Variants in SUN3 observed in about 807,000 individuals in gnomAD.
SUN3 encodes Sad1 and UNC84 domain containing 3.
Under a neutral mutation model 48.2 loss-of-function variants are expected in SUN3, and 36 were observed. The ratio of observed to expected loss-of-function variants is 0.75; its 90% CI spans 0.57 to 0.99. The LOEUF (loss-of-function observed/expected upper bound fraction) is 0.99, where lower values mean the gene tolerates loss of function less well. Among genes scored for constraint, SUN3 ranks in the 50% least tolerant of loss-of-function variants. SUN3 has a pLI of 0.00. For missense variants in SUN3, 419 were observed against 433.1 expected (o/e 0.97, Z 0.29); for synonymous variants, 148 against 147.9 (o/e 1.00, Z 0.00).
At position 47,997,791 on chromosome 7, in the gene SUN3, T is replaced by C. The variant is rs77299163; in HGVS notation, c.578-1645A>G. 2.8e-4 allele frequency among the ~76,000 whole-genome samples: 43 copies of C among 152,360 alleles called. No individual in the cohort carries two copies. The East Asian group carries it at 8.3e-3, about 29-fold the overall frequency. Reference sequence around the variant, plus strand: ...TAATCTATTTTCTGTCCCTGTAGATTACCTATTCTGGACATTTCTTTTGCT... The same window carrying C: ...TAATCTATTTTCTGTCCCTGTAGATCACCTATTCTGGACATTTCTTTTGCT... On this transcript the variant is annotated intron_variant, in intron 6 of 9. Transcript: ENST00000297325.
intron 3 of SUN3, 58 bp from the exon 4 acceptor site, chr7:48,009,133 T>G (rs1192678677): frequency 1.3e-6 from 2 of 1,522,022 alleles, no homozygotes; most frequent in Non-Finnish European, 1.8e-6. Flanking sequence ...AATAGAGTCT[T>G]TTTTTTTTCT....
At chr7:47,987,988 C>A (rs1388635862) in intron 9 of SUN3, among the ~76,000 whole-genome samples, 1 of 152,138 alleles carries the variant, frequency 6.6e-6, no homozygotes, top group Non-Finnish European at 1.5e-5. Flanking sequence ...CTGTTTCCCC[C>A]CTCTACACTC....
chr7:48,025,496 C>T (rs1425642101), intron 2 of SUN3, among the ~76,000 whole-genome samples: 1 of 152,166 alleles, frequency 6.6e-6, no homozygotes, highest in Non-Finnish European at 1.5e-5. Flanking sequence ...TATTTGGGAA[C>T]TGTGTGATGA....
At chr7:48,028,720 C>A in intron 1 of SUN3, 97 bp downstream of exon 1, 2 of 1,481,774 alleles carry the variant, frequency 1.3e-6, no homozygotes, top group Non-Finnish European at 1.8e-6. Flanking sequence ...GGAGAAAATA[C>A]TGTCGGGTAA....
Position 47,994,420 on chromosome 7 carries a change from C to T in SUN3, c.756G>A (p.Lys252=). The T allele has an allele frequency of 4.3e-6, 7 of 1,613,012 alleles. No homozygotes were observed. Among genetic ancestry groups the T allele is most frequent in the Non-Finnish European group, 5.9e-6 (7 of 1,179,604 alleles). The change falls in exon 8 of 10, where the codon AAG becomes AAA. Residue 252 remains lysine (K), a synonymous_variant. Transcript: ENST00000297325. ...FPGSQGHTLI[K]LATKIIPTAV... ...CAGTTGGTATGATCTTTGTAGCAAG[C>T]TTGATTAGGGTATGACCCTGGGAAC...
chr7:48,009,692 C>A (rs180681335), intron 3 of SUN3, among the ~76,000 whole-genome samples: 1 of 151,922 alleles, frequency 6.6e-6, no homozygotes, highest in Non-Finnish European at 1.5e-5. Flanking sequence ...CAAACCAAGA[C>A]AAGAAACCAG....
upstream of SUN3, among the ~76,000 whole-genome samples, chr7:48,031,512 T>C (rs1046537777): frequency 5.3e-5 from 8 of 152,136 alleles, no homozygotes; most frequent in Non-Finnish European, 1.2e-4. Flanking sequence ...AAAGAAATTG[T>C]TAATCTTAAA....
chr7:48,005,891 A>G, intron 6 of SUN3, 78 bp downstream of exon 6: 1 of 854,952 alleles, frequency 1.2e-6, no homozygotes, highest in Non-Finnish European at 1.8e-6. Context: ...TTCCTCATAA[A>G]CAAATGTAGA....
the SUN3 span, among the ~76,000 whole-genome samples, chr7:48,034,446 A>G: frequency 1.3e-5 from 2 of 152,226 alleles, no homozygotes; most frequent in Non-Finnish European, 2.9e-5. Context: ...CTTGATTTAA[A>G]AAAAAATTTT....
At chr7:48,031,832 G>GCACACACACACACACACACACACA (rs3073706), upstream of SUN3, among the ~76,000 whole-genome samples, 1 of 142,270 alleles carries the variant, frequency 7.0e-6, no homozygotes, top group Non-Finnish European at 1.5e-5. Context: ...TGTGATTTAT[G>GCACACACACACACACACACACACA]CACACACACA....
chr7:47,990,519 G>A (rs535271355), intron 8 of SUN3, among the ~76,000 whole-genome samples: 1 of 151,298 alleles, frequency 6.6e-6, no homozygotes, highest in Non-Finnish European at 1.5e-5. Context: ...GCTGAGCGCT[G>A]GTCCCCTGGG....
Position 47,996,014 on chromosome 7 carries a change from T to C in SUN3, c.693+17A>G, listed in dbSNP as rs765248179. On this transcript the variant is annotated intron_variant, in intron 7 of 9. Transcript: ENST00000297325. ...AAATTCTAAAATAGAAATAAGTGAT[T>C]CTTAATTTAGCTTTACCTGAAGAAT... 1 of 1,389,246 alleles carries C rather than the reference T, an allele frequency of 7.2e-7. No homozygotes were observed. The highest frequency in any genetic ancestry group is 9.8e-7 in the Non-Finnish European group (1 of 1,016,330). 86.1% of individuals were successfully genotyped at this position (1,389,246 alleles called of 1,614,324 possible). A position where few individuals can be genotyped will look rare whatever the true frequency, so the allele number is the denominator to read the frequency against.
chr7:47,988,846 A>G lies in SUN3; in HGVS notation c.896T>C (p.Phe299Ser), dbSNP rs753392465. ...ITKKCEGEEI[F>S]LGQFIYNKTG... is the part of the protein sequence containing the mutation. ...TTTGTTATATATAAACTGACCTAGG[A>G]AAATTTCTTCTCCTTCACATTTTTT... Residue 299 changes from phenylalanine to serine, a missense_variant, in exon 9 of 10, where the codon TTC becomes TCC. Phe to Ser is a radical substitution (Grantham distance 155). Coordinates refer to ENST00000297325, the MANE Select transcript of SUN3 (RefSeq NM_001030019.2). 3 of 1,607,456 alleles carry G rather than the reference A, an allele frequency of 1.9e-6. No individual in the cohort carries two copies. Among genetic ancestry groups the G allele is most frequent in the Non-Finnish European group, 2.6e-6 (3 of 1,176,390 alleles).
At chr7:48,002,028 C>A (rs1403166632) in intron 6 of SUN3, among the ~76,000 whole-genome samples, 1 of 152,118 alleles carries the variant, frequency 6.6e-6, no homozygotes, top group Non-Finnish European at 1.5e-5. Flanking sequence ...CTGCCACCAA[C>A]AGTGTATAAC....
At chr7:48,000,233 G>A (rs1284522337) in intron 6 of SUN3, 1 of 152,288 alleles carries the variant, frequency 6.6e-6, no homozygotes. Flanking sequence ...CGCATCCTGG[G>A]TTGAAGCTAT....
chr7:47,991,766 G>A (rs1789069984), intron 8 of SUN3, among the ~76,000 whole-genome samples: 1 of 152,114 alleles, frequency 6.6e-6, no homozygotes, highest in African/African-American at 2.4e-5. Flanking sequence ...GCCGGAGGAG[G>A]GTGTCCATGT....
upstream of SUN3, among the ~76,000 whole-genome samples, chr7:48,033,177 C>A (rs1397900170): frequency 6.6e-6 from 1 of 152,086 alleles, no homozygotes; most frequent in Non-Finnish European, 1.5e-5. Context: ...ATAAATTATT[C>A]TTGTATCATG....
intron 2 of SUN3, among the ~76,000 whole-genome samples, chr7:48,019,862 G>C (rs1789916628): frequency 6.7e-6 from 1 of 150,244 alleles, no homozygotes; most frequent in Non-Finnish European, 1.5e-5. Context: ...ATTTAAAGAA[G>C]AGCTAATACC....
At chr7:48,001,951 A>G (rs1015827337) in intron 6 of SUN3, among the ~76,000 whole-genome samples, 3 of 152,162 alleles carry the variant, frequency 2.0e-5, no homozygotes, top group African/African-American at 7.2e-5. Flanking sequence ...TTGCTGGTTC[A>G]AATGGTATTT....
Sources: allele counts gnomAD v4.1 joint callset (sites outside exome capture counted in the v4.1 genomes callset), GRCh38; gene constraint gnomAD v4.1.1; transcripts MANE v1.5; gene names NCBI Gene and HGNC (gene_info 2026-07-23, HGNC 2026-07-21).